Variants in CAB39L observed in about 807,000 individuals in gnomAD.
CAB39L encodes calcium-binding protein 39-like.
CAB39L carries 23 observed loss-of-function variants against 39.1 expected under a neutral mutation model. The ratio of observed to expected loss-of-function variants is 0.59; its 90% confidence interval spans 0.42 to 0.83. The LOEUF (loss-of-function observed/expected upper bound fraction) is 0.83, where lower values mean the gene tolerates loss of function less well. Among genes scored for constraint, CAB39L ranks in the 40% least tolerant of loss-of-function variants. The probability of loss-of-function intolerance (pLI) is 0.00; values close to 1 mark genes in which losing one functional copy is unlikely to be tolerated. For synonymous variants in CAB39L, 126 were observed against 137.2 expected (o/e 0.92, Z 0.57); for missense variants, 366 against 391.9 (o/e 0.93, Z 0.56).
chr13:49,317,953 C>T (rs1954210402), intron 10 of CAB39L, among the ~76,000 whole-genome samples: 1 of 152,066 alleles, frequency 6.6e-6, no homozygotes, highest in Admixed American at 6.6e-5. Context: ...GGGAAAAGAA[C>T]TTGAACAGAC....
At chr13:49,345,883 G>C (rs1368277777) in intron 7 of CAB39L, among the ~76,000 whole-genome samples, 1 of 151,836 alleles carries the variant, frequency 6.6e-6, no homozygotes, top group East Asian at 1.9e-4. Context: ...GCAGGTTGCA[G>C]ATCAGTGCTG....
chr13:49,328,048 C>A (rs1954553132), intron 10 of CAB39L, among the ~76,000 whole-genome samples: 1 of 152,198 alleles, frequency 6.6e-6, no homozygotes, highest in African/African-American at 2.4e-5. Flanking sequence ...CTTCCAAGCA[C>A]CTATCAACGA....
chr13:49,441,521 C>T (rs910269980), intron 1 of CAB39L, among the ~76,000 whole-genome samples: 2 of 152,012 alleles, frequency 1.3e-5, no homozygotes, highest in African/African-American at 2.4e-5. Flanking sequence ...AAGCTGTGAT[C>T]ATGCCACTGT....
chr13:49,443,201 T>G (rs1042519350), intron 1 of CAB39L, among the ~76,000 whole-genome samples: 3 of 151,774 alleles, frequency 2.0e-5, no homozygotes, highest in African/African-American at 7.3e-5. Flanking sequence ...TCCTGCTCCA[T>G]GAAGTGACCA....
At position 49,318,751 on chromosome 13, in the gene CAB39L, T is replaced by C. The variant is rs55889599; in HGVS notation, c.835-7758A>G. On this transcript the variant is annotated intron_variant, in intron 10 of 10. Transcript: ENST00000409308. Reference sequence around the variant, plus strand: ...GGAAAATTGGCTGTTCCTCAGTAAGTTCAACAATGAATTACCATATTACCG... The same window carrying C: ...GGAAAATTGGCTGTTCCTCAGTAAGCTCAACAATGAATTACCATATTACCG... Among the ~76,000 whole-genome samples, 83 of 149,500 alleles carry C rather than the reference T, an allele frequency of 5.6e-4. 1 individual carries two copies. Among genetic ancestry groups the C allele is most frequent in the African/African-American group, 2.0e-3 (78 of 39,464 alleles).
At chr13:49,316,741 G>A (rs1291148332) in intron 10 of CAB39L, among the ~76,000 whole-genome samples, 1 of 152,190 alleles carries the variant, frequency 6.6e-6, no homozygotes, top group East Asian at 1.9e-4. Flanking sequence ...ATATGTTCAA[G>A]TCCTAATTCT....
intron 9 of CAB39L, among the ~76,000 whole-genome samples, chr13:49,336,450 G>A (rs913615832): frequency 1.3e-5 from 2 of 152,186 alleles, no homozygotes. Context: ...CAGCCAAATG[G>A]TATGTCTGGG....
At chr13:49,400,512 T>C (rs1379522770) in intron 3 of CAB39L, among the ~76,000 whole-genome samples, 1 of 151,682 alleles carries the variant, frequency 6.6e-6, no homozygotes, top group African/African-American at 2.4e-5. Context: ...AATAAGATTA[T>C]ACGAGAGGAA....
At chr13:49,362,728 T>A (rs1173117458) in intron 5 of CAB39L, among the ~76,000 whole-genome samples, 1 of 151,728 alleles carries the variant, frequency 6.6e-6, no homozygotes, top group Non-Finnish European at 1.5e-5. Flanking sequence ...GAGAAAGATA[T>A]GAATATTCAA....
chr13:49,328,309 A>G (rs1326064420), intron 10 of CAB39L, among the ~76,000 whole-genome samples: 1 of 152,190 alleles, frequency 6.6e-6, no homozygotes, highest in African/African-American at 2.4e-5. Flanking sequence ...GTGGTATCTC[A>G]TTGATATTTT....
chr13:49,384,153 A>G (rs1956306174), intron 3 of CAB39L, among the ~76,000 whole-genome samples: 1 of 152,244 alleles, frequency 6.6e-6, no homozygotes, highest in African/African-American at 2.4e-5. Context: ...CTGCTTTATC[A>G]GCTAAATTTA....
At chr13:49,405,444 T>G (rs1956850866) in intron 3 of CAB39L, among the ~76,000 whole-genome samples, 1 of 150,034 alleles carries the variant, frequency 6.7e-6, no homozygotes, top group South Asian at 2.1e-4. Context: ...AGTTCTTCAG[T>G]CTGAAAGAAA....
At chr13:49,435,531 T>G (rs1195160736) in intron 1 of CAB39L, among the ~76,000 whole-genome samples, 1 of 152,190 alleles carries the variant, frequency 6.6e-6, no homozygotes, top group East Asian at 1.9e-4. Context: ...GATGAAGTCT[T>G]GCTGTGTTGC....
At position 49,399,739 on chromosome 13, in the gene CAB39L, T is replaced by C. The variant is rs75892598; in HGVS notation, c.-31-16798A>G. 1.7e-3 allele frequency among the ~76,000 whole-genome samples: 253 copies of C among 152,202 alleles called. 3 individuals are homozygous for C. In the East Asian group the frequency reaches 0.039, roughly 23 times the overall value. Reference sequence around the variant, plus strand: ...ACCATCACTAAGGTAACACAGTGAATGATTAGTTTAAAATAAAAAATTATT... The same window carrying C: ...ACCATCACTAAGGTAACACAGTGAACGATTAGTTTAAAATAAAAAATTATT... On this transcript the variant is annotated intron_variant, in intron 3 of 10. Coordinates refer to ENST00000409308, the MANE Select transcript of CAB39L (RefSeq NM_001079670.3).
At position 49,337,925 on chromosome 13, in the gene CAB39L, G is replaced by A. The variant is rs75045905; in HGVS notation, c.690+1752C>T. 2.0e-5 allele frequency among the ~76,000 whole-genome samples: 3 copies of A among 152,286 alleles called. No homozygotes were observed. In the East Asian group the frequency reaches 5.8e-4, roughly 29 times the overall value. On this transcript the variant is annotated intron_variant, in intron 9 of 10. Transcript: ENST00000409308. ...GTGAGGCCCAGAGCTGTTCTTGGCTGTCATCATATGTCTGGAGAATGAGCA... is the reference window on the plus strand; with the variant it reads ...GTGAGGCCCAGAGCTGTTCTTGGCTATCATCATATGTCTGGAGAATGAGCA...
rs533308378 is a variant in CAB39L, at chr13:49,311,178, C to T, written c.835-185G>A. On this transcript the variant is annotated intron_variant, in intron 10 of 10. Transcript: ENST00000409308. ...ATCAATACAGTCACACACCACATAA[C>T]GACATTTCAGTCAACAACAGACCAT... is the stretch of plus-strand genomic sequence containing the variant. Among the ~76,000 whole-genome samples the T allele has an allele frequency of 3.9e-5, 6 of 152,276 alleles. No individual in the cohort carries two copies. In the South Asian group the frequency reaches 8.3e-4, roughly 21 times the overall value.
At position 49,339,678 on chromosome 13, in the gene CAB39L, T is replaced by C; in HGVS notation, c.689A>G (p.Lys230Arg). The C allele has an allele frequency of 6.4e-7, 1 of 1,571,854 alleles. No individual in the cohort carries two copies. The highest frequency in any genetic ancestry group is 8.6e-7 in the Non-Finnish European group (1 of 1,162,776). Residue 230 changes from lysine to arginine, a missense_variant and splice_region_variant, in exon 9 of 11, where the codon AAG (lysine) becomes AGG (arginine). Lys to Arg is a conservative substitution (Grantham distance 26). Coordinates refer to ENST00000409308, the MANE Select transcript of CAB39L (RefSeq NM_001079670.3). ...ENYVTKRQSLKLLGELILDRH... is the reference protein window; with the variant it reads ...ENYVTKRQSLRLLGELILDRH... ...TGACTTAAAGAAATTTGATATTACC[T>C]TTAAAGACTGTCTCTTAGTAACATA...
chr13:49,373,399 C>T (rs1431779480), intron 5 of CAB39L, among the ~76,000 whole-genome samples: 1 of 152,140 alleles, frequency 6.6e-6, no homozygotes, highest in Non-Finnish European at 1.5e-5. Flanking sequence ...ATGTGCCATT[C>T]TCCTAGGTTA....
chr13:49,349,535 G>A (rs570673700), intron 7 of CAB39L, among the ~76,000 whole-genome samples: 13 of 150,076 alleles, frequency 8.7e-5, no homozygotes, highest in Admixed American at 4.0e-4. Context: ...TTTCAATGAT[G>A]CTGTTACATT....
Sources: gnomAD v4.1 joint callset for allele counts (sites outside exome capture counted in the v4.1 genomes callset) on GRCh38, gnomAD v4.1.1 for gene constraint, MANE v1.5 for transcripts, NCBI Gene and HGNC (gene_info 2026-07-23, HGNC 2026-07-21) for gene names.